The following RERE variants were observed in gnomAD, a reference collection of about 807,000 sequenced individuals.
RERE encodes arginine-glutamic acid dipeptide repeats protein.
RERE carries 40 observed loss-of-function variants against 146.1 expected under a neutral mutation model. That is an observed-to-expected ratio of 0.27 (90% confidence interval 0.21 to 0.36). The LOEUF (loss-of-function observed/expected upper bound fraction) is 0.36, where lower values mean the gene tolerates loss of function less well. Ranked by LOEUF, RERE falls within the 10% of genes least tolerant of loss-of-function variation. RERE has a pLI of 1.00. For synonymous variants in RERE, 1,003 were observed against 866.0 expected (o/e 1.16, Z -2.78); for missense variants, 1,933 against 2,138.7 (o/e 0.90, Z 1.90).
intron 6 of RERE, among the ~76,000 whole-genome samples, chr1:8,552,162 C>A (rs988952865): frequency 1.1e-4 from 16 of 152,220 alleles, no homozygotes; most frequent in African/African-American, 3.6e-4. Flanking sequence ...TATAATCTCA[C>A]AATTTACAAA....
At chr1:8,564,132 T>G (rs1189842559) in intron 4 of RERE, among the ~76,000 whole-genome samples, 1 of 152,204 alleles carries the variant, frequency 6.6e-6, no homozygotes, top group Non-Finnish European at 1.5e-5. Flanking sequence ...CATAATGGCT[T>G]TGATCATTCC....
intron 1 of RERE, among the ~76,000 whole-genome samples, chr1:8,736,871 A>AAAAC (rs1557512922): frequency 6.7e-6 from 1 of 148,820 alleles, no homozygotes. Context: ...AAAAAAAAAA[A>AAAAC]AAAACTAAAA....
intron 4 of RERE, among the ~76,000 whole-genome samples, chr1:8,579,162 A>T (rs1646333012): frequency 6.6e-6 from 1 of 152,210 alleles, no homozygotes; most frequent in Non-Finnish European, 1.5e-5. Context: ...GCACAAGTTA[A>T]ATTTCATGGC....
At chr1:8,650,251 C>A (rs1647547024) in intron 2 of RERE, among the ~76,000 whole-genome samples, 1 of 152,128 alleles carries the variant, frequency 6.6e-6, no homozygotes, top group South Asian at 2.1e-4. Flanking sequence ...AAACACTAAA[C>A]AATTTAAATA....
chr1:8,610,759 T>C (rs1294482304), intron 4 of RERE, among the ~76,000 whole-genome samples: 2 of 152,082 alleles, frequency 1.3e-5, no homozygotes, highest in African/African-American at 4.8e-5. Context: ...TCATAGATAG[T>C]ATTATTATTA....
chr1:8,791,721 T>C (rs866318430), intron 1 of RERE, among the ~76,000 whole-genome samples: 12 of 152,230 alleles, frequency 7.9e-5, no homozygotes, highest in African/African-American at 2.7e-4. Flanking sequence ...TGAAATCTCT[T>C]CTTTTCAAAC....
intron 4 of RERE, among the ~76,000 whole-genome samples, chr1:8,601,229 G>A (rs1372736944): frequency 6.6e-6 from 1 of 151,814 alleles, no homozygotes; most frequent in Non-Finnish European, 1.5e-5. Context: ...TGTGGGCCAG[G>A]CTGGTTTCCA....
chr1:8,666,624 A>G (rs1296946540), intron 1 of RERE, among the ~76,000 whole-genome samples: 3 of 152,278 alleles, frequency 2.0e-5, no homozygotes, highest in African/African-American at 7.2e-5. Context: ...TATTCACTGA[A>G]TAAGAAGTAA....
In RERE at chr1:8,696,273, G is replaced by C. The variant is rs141349850; in HGVS notation, c.-144-39832C>G. The stretch of plus-strand genomic sequence containing the variant: ...TCACAGCGCTATACACAATACCAAA[G>C]ACATGGAATCAACCTAGGAACCCAC... On this transcript the variant is annotated intron_variant, in intron 1 of 22. Coordinates refer to ENST00000400908, the MANE Select transcript of RERE (RefSeq NM_001042681.2). 3.2e-3 allele frequency among the ~76,000 whole-genome samples: 494 copies of C among 152,232 alleles called. 3 individuals carry two copies. The highest frequency in any genetic ancestry group is 5.4e-3 in the Non-Finnish European group (368 of 68,022).
chr1:8,698,750 G>T (rs1639387170), intron 1 of RERE, among the ~76,000 whole-genome samples: 1 of 151,910 alleles, frequency 6.6e-6, no homozygotes. Flanking sequence ...GGACTCCAGA[G>T]ATCGAGATCT....
chr1:8,474,602 G>C (rs1033886519), intron 10 of RERE, among the ~76,000 whole-genome samples: 1 of 152,158 alleles, frequency 6.6e-6, no homozygotes, highest in African/African-American at 2.4e-5. Flanking sequence ...CTTTTGGCAT[G>C]GCTCAGCTGT....
intron 12 of RERE, among the ~76,000 whole-genome samples, chr1:8,389,620 G>A (rs1642810531): frequency 6.6e-6 from 1 of 152,190 alleles, no homozygotes; most frequent in Non-Finnish European, 1.5e-5. Context: ...TGAGGAAGGG[G>A]TGGAATTCTC....
Position 8,427,314 on chromosome 1 carries a change from CT to C in RERE, c.1204-4508del, listed in dbSNP as rs528613111. Among the ~76,000 whole-genome samples the C allele has an allele frequency of 1.7e-3, 259 of 152,268 alleles. 1 individual carries two copies. Among genetic ancestry groups the C allele is most frequent in the South Asian group, 8.9e-3 (43 of 4,824 alleles). On this transcript the variant is annotated intron_variant, in intron 11 of 22. Coordinates refer to ENST00000400908, the MANE Select transcript of RERE (RefSeq NM_001042681.2). Reference sequence around the variant, plus strand: ...CCTAGTTTTGCTCATACCACTTGGCCTAATTCTCTACTCAACCTCTAAATGC... The same window carrying C: ...CCTAGTTTTGCTCATACCACTTGGCCAATTCTCTACTCAACCTCTAAATGC...
intron 11 of RERE, among the ~76,000 whole-genome samples, chr1:8,435,218 C>G (rs1644152745): frequency 6.6e-6 from 1 of 152,202 alleles, no homozygotes; most frequent in Non-Finnish European, 1.5e-5. Context: ...TAAGGCCTAG[C>G]TCTTATCACC....
At chr1:8,682,571 T>G (rs978626321) in intron 1 of RERE, among the ~76,000 whole-genome samples, 2 of 152,212 alleles carry the variant, frequency 1.3e-5, no homozygotes, top group Admixed American at 6.5e-5. Flanking sequence ...TTTCTTGATT[T>G]CTTTGACATT....
intron 1 of RERE, among the ~76,000 whole-genome samples, chr1:8,813,482 G>A (rs1641851412): frequency 6.6e-6 from 1 of 151,978 alleles, no homozygotes. Context: ...GCATATACAG[G>A]TTTTTAGAAG....
intron 1 of RERE, among the ~76,000 whole-genome samples, chr1:8,679,159 C>T (rs1179434323): frequency 2.0e-5 from 3 of 152,140 alleles, no homozygotes; most frequent in African/African-American, 7.2e-5. Context: ...TTAAGATTCT[C>T]ATTTCCTCAA....
At chr1:8,368,194 G>C (rs1641890533) in intron 12 of RERE, among the ~76,000 whole-genome samples, 1 of 152,116 alleles carries the variant, frequency 6.6e-6, no homozygotes, top group South Asian at 2.1e-4. Context: ...ATGTGGCCAG[G>C]TGCGGTGGCT....
At chr1:8,431,014 C>T (rs1236066698) in intron 11 of RERE, among the ~76,000 whole-genome samples, 2 of 152,184 alleles carry the variant, frequency 1.3e-5, no homozygotes, top group Admixed American at 6.5e-5. Context: ...TGGGTAGGCC[C>T]CTCCAGGCAT....
Sources: allele counts gnomAD v4.1 joint callset (sites outside exome capture counted in the v4.1 genomes callset), GRCh38; gene constraint gnomAD v4.1.1; transcripts MANE v1.5; gene names NCBI Gene and HGNC (gene_info 2026-07-23, HGNC 2026-07-21).